The following RALYL variants were observed in gnomAD, a reference collection of about 807,000 sequenced individuals.
RALYL encodes the protein RNA-binding Raly-like protein.
Under a neutral mutation model 35.1 loss-of-function variants are expected in RALYL, and 29 were observed. The observed-to-expected ratio is 0.83, with a 90% CI of 0.61 to 1.13. The LOEUF (loss-of-function observed/expected upper bound fraction) is 1.13. Among genes scored for constraint, RALYL ranks in the 50% most tolerant of loss-of-function variants. RALYL has a pLI of 0.00. For synonymous variants in RALYL, 120 were observed against 127.6 expected, an observed-to-expected ratio of 0.94 and a Z score of 0.40; for missense variants, 359 against 360.4, an observed-to-expected ratio of 1.00 and a Z score of 0.03.
chr8:84,353,881 T>C (rs1448125548), intron 1 of RALYL, among the ~76,000 whole-genome samples: 2 of 149,928 alleles, frequency 1.3e-5, no homozygotes, highest in Admixed American at 1.3e-4. Flanking sequence ...TTGAAAGCCA[T>C]TATATAACAA....
intron 2 of RALYL, among the ~76,000 whole-genome samples, chr8:84,568,508 A>T (rs967652126): frequency 6.7e-6 from 1 of 149,454 alleles, no homozygotes; most frequent in African/African-American, 2.5e-5. Flanking sequence ...CGCAATAAAC[A>T]TACATGTGCA....
intron 1 of RALYL, among the ~76,000 whole-genome samples, chr8:84,231,119 C>T (rs1046125811): frequency 1.1e-4 from 17 of 152,280 alleles, no homozygotes; most frequent in African/African-American, 3.6e-4. Flanking sequence ...GGCATAAGAA[C>T]ATAGTCAGCT....
intron 1 of RALYL, among the ~76,000 whole-genome samples, chr8:84,201,307 A>T (rs538043377): frequency 1.3e-5 from 2 of 152,326 alleles, no homozygotes; most frequent in African/African-American, 4.8e-5. Flanking sequence ...AATCAGTGAG[A>T]ATTTGATGGG....
chr8:84,868,817 G>A (rs1012996929), intron 6 of RALYL, among the ~76,000 whole-genome samples: 1 of 152,028 alleles, frequency 6.6e-6, no homozygotes, highest in Middle Eastern at 3.2e-3. Context: ...CATCTATGGG[G>A]TGGGTGATAA....
At chr8:84,743,225 G>A (rs977673746) in intron 2 of RALYL, among the ~76,000 whole-genome samples, 3 of 151,878 alleles carry the variant, frequency 2.0e-5, no homozygotes, top group Non-Finnish European at 1.5e-5. Flanking sequence ...TCTAAAATAC[G>A]ATAGTGATTC....
chr8:84,210,497 A>AG (rs1819226626), intron 1 of RALYL, among the ~76,000 whole-genome samples: 1 of 151,948 alleles, frequency 6.6e-6, no homozygotes. Flanking sequence ...TGGCTTAAAA[A>AG]AAAAGCTATT....
intron 8 of RALYL, among the ~76,000 whole-genome samples, chr8:84,891,235 G>A (rs1056139113): frequency 1.7e-4 from 26 of 152,130 alleles, no homozygotes; most frequent in African/African-American, 5.8e-4. Context: ...GAAAGAGTAA[G>A]ACAGTTATGG....
At chr8:84,348,464 C>T (rs1342504476) in intron 1 of RALYL, among the ~76,000 whole-genome samples, 1 of 152,044 alleles carries the variant, frequency 6.6e-6, no homozygotes, top group African/African-American at 2.4e-5. Context: ...GGCTATTTTG[C>T]ACCCCCATTC....
intron 1 of RALYL, among the ~76,000 whole-genome samples, chr8:84,518,937 T>C (rs1004404432): frequency 1.3e-5 from 2 of 152,186 alleles, no homozygotes; most frequent in African/African-American, 4.8e-5. Flanking sequence ...CCTCCTGCAA[T>C]TTAGCTCTTT....
intron 8 of RALYL, among the ~76,000 whole-genome samples, chr8:84,898,046 C>T (rs955536550): frequency 2.0e-5 from 3 of 152,068 alleles, no homozygotes; most frequent in Admixed American, 6.6e-5. Context: ...GATGGCATTC[C>T]GCATGGAAAG....
intron 1 of RALYL, among the ~76,000 whole-genome samples, chr8:84,524,197 C>G (rs7829180): frequency 1.3e-5 from 2 of 151,828 alleles, no homozygotes; most frequent in East Asian, 3.9e-4. Flanking sequence ...TTGCAACCTA[C>G]TCATCTGACA....
chr8:84,191,640 G>A (rs1335544598), intron 1 of RALYL, among the ~76,000 whole-genome samples: 1 of 152,158 alleles, frequency 6.6e-6, no homozygotes, highest in East Asian at 1.9e-4. Context: ...TTGTAAACAA[G>A]TGCTAGCTTG....
At chr8:84,259,689 T>C (rs1317274660) in intron 1 of RALYL, among the ~76,000 whole-genome samples, 1 of 152,222 alleles carries the variant, frequency 6.6e-6, no homozygotes, top group Non-Finnish European at 1.5e-5. Flanking sequence ...GTTTTTGTGA[T>C]CAAACTACTG....
chr8:84,600,316 G>T (rs1382049380), intron 2 of RALYL, among the ~76,000 whole-genome samples: 1 of 151,956 alleles, frequency 6.6e-6, no homozygotes, highest in Non-Finnish European at 1.5e-5. Flanking sequence ...GGGCTAAGGT[G>T]AAGCATTTGG....
chr8:84,674,476 C>A (rs980721427), intron 2 of RALYL, among the ~76,000 whole-genome samples: 2 of 152,104 alleles, frequency 1.3e-5, no homozygotes, highest in Admixed American at 6.6e-5. Context: ...ATGCTTCCAG[C>A]TTTTGCCCAT....
chr8:84,590,764 G>A (rs915014861), intron 2 of RALYL, among the ~76,000 whole-genome samples: 2 of 152,064 alleles, frequency 1.3e-5, no homozygotes, highest in Non-Finnish European at 2.9e-5. Context: ...TAACTATGTC[G>A]GGAAAGTTGA....
At chr8:84,529,246 C>CTAA (rs1294134335) in intron 1 of RALYL, 53 bp from the exon 2 acceptor site, 2 of 1,531,650 alleles carry the variant, frequency 1.3e-6, no homozygotes, top group South Asian at 1.2e-5. Flanking sequence ...CCCATTCGAT[C>CTAA]TAATGATTTA....
intron 1 of RALYL, among the ~76,000 whole-genome samples, chr8:84,267,049 G>A (rs966604577): frequency 4.6e-5 from 7 of 151,690 alleles, no homozygotes; most frequent in Non-Finnish European, 7.4e-5. Flanking sequence ...CTGAGAGAGC[G>A]TATAAACATG....
At chr8:84,199,064 C>G (rs1243794493) in intron 1 of RALYL, among the ~76,000 whole-genome samples, 1 of 152,090 alleles carries the variant, frequency 6.6e-6, no homozygotes, top group East Asian at 1.9e-4. Context: ...TTTTGAGGAA[C>G]CTCCAAACCG....
Sources: allele counts gnomAD v4.1 joint callset (sites outside exome capture counted in the v4.1 genomes callset), GRCh38; gene constraint gnomAD v4.1.1; transcripts MANE v1.5; gene names NCBI Gene and HGNC (gene_info 2026-07-23, HGNC 2026-07-21).